Variants in PPP4R2 observed in about 807,000 individuals in gnomAD.
PPP4R2 encodes the protein serine/threonine-protein phosphatase 4 regulatory subunit 2.
A neutral mutation model predicts 47.2 loss-of-function variants in PPP4R2; 13 were observed. The ratio of observed to expected loss-of-function variants is 0.28; its 90% CI spans 0.18 to 0.44. The LOEUF is 0.44. PPP4R2 is among the 20% of genes least tolerant of loss of function. PPP4R2 has a pLI of 1.00. For synonymous variants in PPP4R2, 151 were observed against 163.3 expected, an observed-to-expected ratio of 0.92 and a Z score of 0.57; for missense variants, 421 against 491.2, an observed-to-expected ratio of 0.86 and a Z score of 1.35.
At chr3:73,053,303 A>C (rs1311111302) in intron 3 of PPP4R2, among the ~76,000 whole-genome samples, 1 of 151,860 alleles carries the variant, frequency 6.6e-6, no homozygotes, top group Non-Finnish European at 1.5e-5. Flanking sequence ...TCTTAGAATA[A>C]TTACTTGAGA....
intron 2 of PPP4R2, among the ~76,000 whole-genome samples, chr3:73,042,337 G>GT (rs1702395110): frequency 2.8e-5 from 4 of 140,504 alleles, no homozygotes; most frequent in African/African-American, 1.0e-4. Context: ...CGCATGGCCT[G>GT]TTTTTTGTGC....
chr3:73,039,274 C>T (rs1281051660), intron 2 of PPP4R2, among the ~76,000 whole-genome samples: 1 of 152,120 alleles, frequency 6.6e-6, no homozygotes, highest in African/African-American at 2.4e-5. Flanking sequence ...CAGGCATGCC[C>T]CACCATGCCA....
In PPP4R2 at chr3:73,015,121, G is replaced by A. The variant is rs766381554; in HGVS notation, c.116+16963G>A. Reference sequence around the variant, plus strand: ...GAGAGCACTCTGAGATCTCAGAAATGTCATAAAGTCCTATAAAACAGAAGG... The same window carrying A: ...GAGAGCACTCTGAGATCTCAGAAATATCATAAAGTCCTATAAAACAGAAGG... On this transcript the variant is annotated intron_variant, in intron 2 of 8. Transcript: ENST00000356692. 42 of 441,598 alleles carry A rather than the reference G, an allele frequency of 9.5e-5. 1 individual carries two copies. The highest frequency in any genetic ancestry group is 1.5e-4 in the Non-Finnish European group (38 of 247,914). The allele number at this position is 441,598 out of a possible 1,614,324, so 27.4% of individuals were successfully genotyped here.
intron 3 of PPP4R2, among the ~76,000 whole-genome samples, chr3:73,056,435 G>C (rs536571118): frequency 6.6e-6 from 1 of 152,298 alleles, no homozygotes; most frequent in Admixed American, 6.5e-5. Context: ...TATGTAAAGA[G>C]ACCTTTCAAT....
chr3:73,062,376 G>A, intron 5 of PPP4R2: 4 of 1,606,510 alleles, frequency 2.5e-6, no homozygotes, highest in Non-Finnish European at 3.4e-6. Flanking sequence ...CAGCATTGGG[G>A]ATATTAAGGA....
intron 2 of PPP4R2, among the ~76,000 whole-genome samples, chr3:73,027,145 T>C (rs184092603): frequency 4.3e-4 from 65 of 152,348 alleles, no homozygotes; most frequent in Non-Finnish European, 8.5e-4. Context: ...TTTTTTGTTT[T>C]TGAGACAGAG....
At chr3:73,056,727 T>C (rs1702738648) in intron 3 of PPP4R2, among the ~76,000 whole-genome samples, 1 of 152,220 alleles carries the variant, frequency 6.6e-6, no homozygotes, top group Admixed American at 6.5e-5. Flanking sequence ...GCAGTATTAA[T>C]ATTAAACAAC....
At chr3:73,054,962 T>C (rs907696992) in intron 3 of PPP4R2, among the ~76,000 whole-genome samples, 1 of 152,210 alleles carries the variant, frequency 6.6e-6, no homozygotes, top group African/African-American at 2.4e-5. Context: ...TCAGCAACTT[T>C]CTTGGTATTT....
At chr3:73,015,760 C>G in intron 2 of PPP4R2, 2 of 438,762 alleles carry the variant, frequency 4.6e-6, no homozygotes, top group Non-Finnish European at 9.1e-6. Context: ...GCCTTATCCT[C>G]CTGAGTAGCT....
At chr3:73,037,129 C>T (rs1022329977) in intron 2 of PPP4R2, among the ~76,000 whole-genome samples, 4 of 151,774 alleles carry the variant, frequency 2.6e-5, no homozygotes, top group African/African-American at 9.7e-5. Flanking sequence ...GATTTTTTTT[C>T]CCCCTCCACT....
At chr3:73,044,707 A>G (rs543710708) in intron 2 of PPP4R2, among the ~76,000 whole-genome samples, 31 of 152,320 alleles carry the variant, frequency 2.0e-4, no homozygotes, top group Admixed American at 5.9e-4. Context: ...CATTTCCCCA[A>G]GATTAATGGT....
Position 73,064,159 on chromosome 3 carries a change from T to C in PPP4R2, c.638+13T>C, listed in dbSNP as rs748684167. Reference sequence around the variant, plus strand: ...AGAAAAATCACAGGTTTGTATGTTTTATATTTAAAAACAGTGTTTTTATTA... The same window carrying C: ...AGAAAAATCACAGGTTTGTATGTTTCATATTTAAAAACAGTGTTTTTATTA... On this transcript the variant is annotated intron_variant, in intron 7 of 8. Transcript: ENST00000356692. 1.0e-5 allele frequency: 16 copies of C among 1,594,302 alleles called. No homozygotes were observed. The highest frequency in any genetic ancestry group is 1.0e-5 in the Non-Finnish European group (12 of 1,173,238).
chr3:73,033,647 A>T (rs60761737), intron 2 of PPP4R2, among the ~76,000 whole-genome samples: 7,265 of 152,176 alleles, frequency 0.048, 578 homozygotes, highest in African/African-American at 0.17. Context: ...GAACCTTTTT[A>T]TTGTCCCAAA....
chr3:73,031,489 C>T lies in PPP4R2; in HGVS notation c.117-15697C>T, dbSNP rs193233680. On this transcript the variant is annotated intron_variant, in intron 2 of 8. Transcript: ENST00000356692. ...ACCAGGAGGTGGAGGTTGTAGTGAG[C>T]CGAGATTGTGTCATGGCACTCCACC... Among the ~76,000 whole-genome samples the T allele has an allele frequency of 4.4e-3, 663 of 152,106 alleles. 6 individuals are homozygous for T. Among genetic ancestry groups the T allele is most frequent in the African/African-American group, 0.015 (625 of 41,482 alleles).
In PPP4R2 at chr3:73,041,891, A is replaced by G. The variant is rs539870951; in HGVS notation, c.117-5295A>G. On this transcript the variant is annotated intron_variant, in intron 2 of 8. Coordinates refer to ENST00000356692, the MANE Select transcript of PPP4R2 (RefSeq NM_174907.4). ...GCCTTTAGAGAATTGTGAGAGAAAC[A>G]TGTTTGAATATGAACTTGTGAGTTC... 5.3e-5 allele frequency among the ~76,000 whole-genome samples: 8 copies of G among 152,362 alleles called. No homozygotes were observed. The South Asian group carries it at 1.7e-3, about 32-fold the overall frequency.
rs966475749 is a variant in PPP4R2, at chr3:73,067,785, T to C, written c.*2063T>C. ...ATTATGACTTTGAGGTCTGTGGTTTTATTTGTAAACTTGCAATTGCTATAT... is the reference window on the plus strand; with the variant it reads ...ATTATGACTTTGAGGTCTGTGGTTTCATTTGTAAACTTGCAATTGCTATAT... On this transcript the variant is annotated 3_prime_UTR_variant, in exon 9 of 9. Coordinates refer to ENST00000356692, the MANE Select transcript of PPP4R2 (RefSeq NM_174907.4). 2.0e-5 allele frequency: 3 copies of C among 152,238 alleles called. No homozygotes were observed. Among genetic ancestry groups the C allele is most frequent in the South Asian group, 2.1e-4 (1 of 4,832 alleles). The allele number at this position is 152,238 out of a possible 1,614,324, so 9.4% of individuals were successfully genotyped here. A position where few individuals can be genotyped will look rare whatever the true frequency, so the allele number is the denominator to read the frequency against.
At chr3:73,055,237 CT>C (rs1421164366) in intron 3 of PPP4R2, among the ~76,000 whole-genome samples, 2 of 152,078 alleles carry the variant, frequency 1.3e-5, no homozygotes, top group East Asian at 3.8e-4. Flanking sequence ...ATTTATTGAA[CT>C]TTCTGAAATA....
chr3:72,998,705 C>A (rs772980680), intron 2 of PPP4R2, among the ~76,000 whole-genome samples: 10 of 152,186 alleles, frequency 6.6e-5, no homozygotes, highest in Admixed American at 4.6e-4. Context: ...TGACTTGTTA[C>A]ATATGCTCAG....
intron 2 of PPP4R2, among the ~76,000 whole-genome samples, chr3:73,036,854 T>C (rs1488580093): frequency 7.1e-6 from 1 of 140,256 alleles, no homozygotes; most frequent in African/African-American, 2.7e-5. Context: ...TACCAAAATA[T>C]TAGCTAACAT....
Sources: allele counts gnomAD v4.1 joint callset (sites outside exome capture counted in the v4.1 genomes callset), GRCh38; gene constraint gnomAD v4.1.1; transcripts MANE v1.5; gene names NCBI Gene and HGNC (gene_info 2026-07-23, HGNC 2026-07-21).